The following RUNX1 variants were observed in gnomAD, a reference collection of about 807,000 sequenced individuals.
The protein encoded by RUNX1 is runt-related transcription factor 1.
A neutral mutation model predicts 42.8 loss-of-function variants in RUNX1; 19 were observed. The observed-to-expected ratio is 0.44, with a 90% CI of 0.31 to 0.65. RUNX1 has a LOEUF of 0.65. Ranked by LOEUF, RUNX1 falls within the 30% of genes least tolerant of loss-of-function variation. The pLI is 0.07. For synonymous variants in RUNX1, 271 were observed against 289.4 expected (o/e 0.94, Z 0.64); for missense variants, 528 against 672.0 (o/e 0.79, Z 2.37).
chr21:35,023,285 T>C (rs2059212760), intron 2 of RUNX1, among the ~76,000 whole-genome samples: 1 of 152,186 alleles, frequency 6.6e-6, no homozygotes, highest in South Asian at 2.1e-4. Flanking sequence ...TTTTGCATGA[T>C]GTCTTTGTTT....
chr21:34,858,046 G>A (rs2057520031), intron 6 of RUNX1, among the ~76,000 whole-genome samples: 1 of 152,242 alleles, frequency 6.6e-6, no homozygotes, highest in South Asian at 2.1e-4. Context: ...CACAGCAAAT[G>A]GAAGGAAGGG....
intron 2 of RUNX1, among the ~76,000 whole-genome samples, chr21:34,962,114 A>G (rs1461875583): frequency 6.6e-6 from 1 of 152,190 alleles, no homozygotes; most frequent in South Asian, 2.1e-4. Flanking sequence ...GCTGGTTTCA[A>G]ACTCCTGGGC....
intron 6 of RUNX1, 61 bp downstream of exon 6, chr21:34,859,413 A>ATACCAGCCTGGAGGGTG (rs532309202): frequency 2.7e-5 from 33 of 1,228,984 alleles, no homozygotes; most frequent in South Asian, 2.4e-5. Context: ...GTCCCTGAGT[A>ATACCAGCCTGGAGGGTG]TACCAGCCTG....
intron 2 of RUNX1, among the ~76,000 whole-genome samples, chr21:34,931,488 G>A (rs1369781563): frequency 7.0e-6 from 1 of 143,428 alleles, no homozygotes; most frequent in Admixed American, 7.0e-5. Context: ...TGTATATAAT[G>A]TATATGTATT....
In RUNX1 at chr21:34,849,350, G is replaced by A. The variant is rs1475809491; in HGVS notation, c.613+10124C>T. Among the ~76,000 whole-genome samples, 5 of 29,928 alleles carry A rather than the reference G, an allele frequency of 1.7e-4. 1 individual carries two copies. The Admixed American group carries it at 3.9e-3, about 23-fold the overall frequency. The allele number at this position is 29,928 out of a possible 152,430, so 19.6% of individuals were successfully genotyped here. On this transcript the variant is annotated intron_variant, in intron 6 of 8. Transcript: ENST00000675419. ...ATATATACTATATATATTATATATA[G>A]TATATATAATATATTATATATACTA... is the stretch of plus-strand genomic sequence containing the variant.
intron 2 of RUNX1, among the ~76,000 whole-genome samples, chr21:34,933,506 T>C (rs1324469397): frequency 6.6e-6 from 1 of 152,078 alleles, no homozygotes; most frequent in Admixed American, 6.6e-5. Flanking sequence ...AGTTTTGATG[T>C]TTTTTTTATG....
chr21:34,968,923 C>A (rs997094715), intron 2 of RUNX1, among the ~76,000 whole-genome samples: 4 of 152,130 alleles, frequency 2.6e-5, no homozygotes, highest in African/African-American at 9.7e-5. Flanking sequence ...AATTCAGTAA[C>A]CCCGCCGGCA....
rs993028915 is a variant in RUNX1 at position 34,843,779 on chromosome 21, G to A, written c.614-9178C>T. On this transcript the variant is annotated intron_variant, in intron 6 of 8. Coordinates refer to ENST00000675419, the MANE Select transcript of RUNX1 (RefSeq NM_001754.5). The surrounding 1 kb of genome is among the most constrained non-coding windows in gnomAD (Gnocchi z 4.8). ...ATTGCCACGAGCAGTGGAGTTTTTC[G>A]CCCACTCACATGAGACTCGGGCCTC... Among the ~76,000 whole-genome samples the A allele has an allele frequency of 2.0e-5, 3 of 151,818 alleles. No homozygotes were observed. Among genetic ancestry groups the A allele is most frequent in the African/African-American group, 4.8e-5 (2 of 41,308 alleles).
intron 5 of RUNX1, among the ~76,000 whole-genome samples, chr21:34,878,354 A>ATAT (rs1465328672): frequency 6.8e-6 from 1 of 147,950 alleles, no homozygotes; most frequent in African/African-American, 2.5e-5. Context: ...TAAAAAAAAA[A>ATAT]AAAAAAATAT....
intron 3 of RUNX1, chr21:34,889,914 GT>G: frequency 1.0e-6 from 1 of 980,202 alleles, no homozygotes; most frequent in Non-Finnish European, 1.2e-6. Flanking sequence ...CTGCAACCCA[GT>G]CCCCGGATCC....
intron 2 of RUNX1, among the ~76,000 whole-genome samples, chr21:35,046,059 C>T (rs1000726807): frequency 6.6e-6 from 1 of 152,232 alleles, no homozygotes; most frequent in Non-Finnish European, 1.5e-5. Flanking sequence ...TGCCGACACA[C>T]TGCACTTTTC....
At chr21:34,905,949 T>C (rs989766370) in intron 2 of RUNX1, among the ~76,000 whole-genome samples, 3 of 152,238 alleles carry the variant, frequency 2.0e-5, no homozygotes, top group African/African-American at 7.2e-5. Context: ...TGAGTATGTA[T>C]ACCTCACATA....
chr21:35,035,737 C>G (rs1218715262), intron 2 of RUNX1, among the ~76,000 whole-genome samples: 1 of 152,196 alleles, frequency 6.6e-6, no homozygotes, highest in African/African-American at 2.4e-5. Context: ...AAGGGTTCCT[C>G]CCTCTCCCTC....
chr21:35,001,955 T>C (rs1267664919), intron 2 of RUNX1, among the ~76,000 whole-genome samples: 2 of 152,138 alleles, frequency 1.3e-5, no homozygotes, highest in East Asian at 1.9e-4. Context: ...AAGACTCATA[T>C]ACTGAAAACC....
At chr21:35,043,865 G>A (rs1011965847) in intron 2 of RUNX1, among the ~76,000 whole-genome samples, 32 of 152,296 alleles carry the variant, frequency 2.1e-4, no homozygotes, top group African/African-American at 7.7e-4. Context: ...AAGGAGCAGG[G>A]AAAATGGGAG....
At chr21:34,926,371 G>A (rs903809327) in intron 2 of RUNX1, among the ~76,000 whole-genome samples, 1 of 136,596 alleles carries the variant, frequency 7.3e-6, no homozygotes, top group Non-Finnish European at 1.5e-5. Flanking sequence ...TCAGGAGGCT[G>A]AGACAGGAGG....
intron 5 of RUNX1, among the ~76,000 whole-genome samples, chr21:34,862,087 A>AGTAG (rs1256780508): frequency 6.6e-6 from 1 of 151,706 alleles, no homozygotes; most frequent in Non-Finnish European, 1.5e-5. Flanking sequence ...CCCAGTCCTG[A>AGTAG]GTAGGTCTAG....
intron 2 of RUNX1, among the ~76,000 whole-genome samples, chr21:35,022,378 G>C (rs774672770): frequency 6.6e-6 from 1 of 152,210 alleles, no homozygotes; most frequent in Non-Finnish European, 1.5e-5. Flanking sequence ...TGCCTGAAGG[G>C]TGTCTGGTAT....
intron 3 of RUNX1, chr21:34,888,813 G>A (rs991565038): frequency 4.1e-6 from 2 of 483,150 alleles, no homozygotes; most frequent in South Asian, 1.8e-4. Flanking sequence ...GTATCAGCCA[G>A]GGCGCGGCTC....
Sources: allele counts gnomAD v4.1 joint callset (sites outside exome capture counted in the v4.1 genomes callset), GRCh38; gene constraint gnomAD v4.1.1; non-coding constraint Gnocchi (gnomAD v3.1); transcripts MANE v1.5; gene names NCBI Gene and HGNC (gene_info 2026-07-23, HGNC 2026-07-21).